The following SPECC1 variants were observed in gnomAD, a reference collection of about 807,000 sequenced individuals.
SPECC1 encodes the protein sperm antigen with calponin homology and coiled-coil domains 1.
SPECC1 carries 62 observed loss-of-function variants against 104.1 expected under a neutral mutation model. That is an observed-to-expected ratio of 0.60 (90% CI 0.49 to 0.74). SPECC1 has a LOEUF of 0.74. Among genes scored for constraint, SPECC1 ranks in the 30% least tolerant of loss-of-function variants. The pLI, the probability that SPECC1 is intolerant of heterozygous loss-of-function variation, is 0.00. For missense variants in SPECC1, 1,306 were observed against 1,310.5 expected (o/e 1.00, Z 0.05); for synonymous variants, 513 against 501.6 (o/e 1.02, Z -0.30).
At chr17:20,065,032 C>CT (rs2046312713) in intron 1 of SPECC1, among the ~76,000 whole-genome samples, 1 of 152,200 alleles carries the variant, frequency 6.6e-6, no homozygotes, top group Admixed American at 6.5e-5. Flanking sequence ...TATTTCTAAA[C>CT]TACATGCTTG....
intron 3 of SPECC1, among the ~76,000 whole-genome samples, chr17:20,127,631 CG>C (rs2049386959): frequency 6.6e-6 from 1 of 151,936 alleles, no homozygotes. Context: ...TACGCTCTGT[CG>C]AAGGAAGAGG....
intron 1 of SPECC1, among the ~76,000 whole-genome samples, chr17:20,016,320 C>T (rs1412711156): frequency 1.3e-5 from 2 of 152,148 alleles, no homozygotes; most frequent in East Asian, 1.9e-4. Context: ...TGGCAGTCCT[C>T]GCTCGCTCTC....
chr17:20,161,260 A>G lies in SPECC1; in HGVS notation c.284-43073A>G, dbSNP rs145547863. The stretch of plus-strand genomic sequence containing the variant: ...AGGTAATCTATTGTTTTCCACTTCT[A>G]TTTCTTGACTCACCAGCTTTAAATA... On this transcript the variant is annotated intron_variant, in intron 3 of 14. Transcript: ENST00000395527. Among the ~76,000 whole-genome samples, 7 of 152,270 alleles carry G rather than the reference A, an allele frequency of 4.6e-5. 1 individual carries two copies. The highest frequency in any genetic ancestry group is 1.9e-4 in the East Asian group (1 of 5,190).
intron 3 of SPECC1, among the ~76,000 whole-genome samples, chr17:20,141,075 C>G (rs2030733620): frequency 1.3e-5 from 2 of 152,200 alleles, no homozygotes; most frequent in African/African-American, 4.8e-5. Flanking sequence ...CTGCCCCCTT[C>G]TCTCCTCCTG....
intron 3 of SPECC1, among the ~76,000 whole-genome samples, chr17:20,146,661 C>A (rs957712550): frequency 6.6e-6 from 1 of 152,106 alleles, no homozygotes; most frequent in Admixed American, 6.5e-5. Context: ...AATCCTGGAA[C>A]TTTGGGAGGC....
At chr17:20,155,956 C>T (rs1216617684) in intron 3 of SPECC1, 2 of 1,252,546 alleles carry the variant, frequency 1.6e-6, no homozygotes, top group South Asian at 2.8e-5. Context: ...CGGCAGGATG[C>T]AGATGAAGGG....
At chr17:20,209,641 G>A (rs559762333) in intron 4 of SPECC1, among the ~76,000 whole-genome samples, 36 of 151,798 alleles carry the variant, frequency 2.4e-4, no homozygotes, top group African/African-American at 4.6e-4. Flanking sequence ...CTTGATGGCC[G>A]CTTAATCTGT....
At chr17:20,040,723 G>C (rs2045290177) in intron 1 of SPECC1, among the ~76,000 whole-genome samples, 1 of 152,066 alleles carries the variant, frequency 6.6e-6, no homozygotes, top group African/African-American at 2.4e-5. Context: ...ATGAAGTGTT[G>C]TTTCACTCAC....
intron 1 of SPECC1, among the ~76,000 whole-genome samples, chr17:20,042,910 T>G (rs988207140): frequency 6.6e-6 from 1 of 152,174 alleles, no homozygotes; most frequent in Non-Finnish European, 1.5e-5. Flanking sequence ...TATATTTGTT[T>G]TATATCTAGT....
chr17:20,237,515 G>A (rs755098786), intron 7 of SPECC1: 6 of 194,116 alleles, frequency 3.1e-5, no homozygotes, highest in Non-Finnish European at 5.3e-5. Context: ...GGGTTTCACC[G>A]TGTTGGCCAG....
intron 1 of SPECC1, among the ~76,000 whole-genome samples, chr17:20,072,941 C>T (rs1214846405): frequency 6.6e-6 from 1 of 152,148 alleles, no homozygotes; most frequent in African/African-American, 2.4e-5. Context: ...GTCCCTGTTG[C>T]AGTAGATCCC....
At chr17:20,197,824 C>T (rs779539823) in intron 3 of SPECC1, among the ~76,000 whole-genome samples, 2 of 152,160 alleles carry the variant, frequency 1.3e-5, no homozygotes, top group Non-Finnish European at 2.9e-5. Context: ...TAAAGCACCC[C>T]TTGACACGGA....
chr17:20,127,392 A>G (rs1462436000), intron 3 of SPECC1, among the ~76,000 whole-genome samples: 1 of 152,008 alleles, frequency 6.6e-6, no homozygotes, highest in East Asian at 1.9e-4. Flanking sequence ...CAAAAATCAG[A>G]AATTGAGAGG....
chr17:20,152,916 C>G (rs1446816740), intron 3 of SPECC1, among the ~76,000 whole-genome samples: 1 of 152,212 alleles, frequency 6.6e-6, no homozygotes, highest in Non-Finnish European at 1.5e-5. Flanking sequence ...CTGCCTGCCT[C>G]AGCCTCCCAA....
At chr17:20,025,668 A>T (rs1735348788) in intron 1 of SPECC1, among the ~76,000 whole-genome samples, 1 of 152,174 alleles carries the variant, frequency 6.6e-6, no homozygotes, top group South Asian at 2.1e-4. Flanking sequence ...GTTGCTATAA[A>T]TGCCCATGTA....
intron 12 of SPECC1, among the ~76,000 whole-genome samples, chr17:20,276,459 G>GT (rs1011092133): frequency 2.8e-4 from 42 of 152,274 alleles, no homozygotes; most frequent in African/African-American, 9.6e-4. Flanking sequence ...TTGTTTCAGG[G>GT]TTATGTCTTA....
At chr17:20,156,620 C>T (rs1028396746) in intron 3 of SPECC1, among the ~76,000 whole-genome samples, 7 of 152,076 alleles carry the variant, frequency 4.6e-5, no homozygotes, top group African/African-American at 1.7e-4. Flanking sequence ...TGTCGGCCGC[C>T]GGCCCCGCAG....
At chr17:20,239,718 A>G (rs991856865) in intron 7 of SPECC1, among the ~76,000 whole-genome samples, 8 of 152,060 alleles carry the variant, frequency 5.3e-5, no homozygotes, top group African/African-American at 1.9e-4. Flanking sequence ...TTATTTTAAT[A>G]GATGTCTCCA....
chr17:20,027,734 T>A, intron 1 of SPECC1, among the ~76,000 whole-genome samples: 1 of 152,232 alleles, frequency 6.6e-6, no homozygotes, highest in East Asian at 1.9e-4. Context: ...TTTTGGGTTC[T>A]TTATTCTGTT....
Sources: allele counts gnomAD v4.1 joint callset (sites outside exome capture counted in the v4.1 genomes callset), GRCh38; gene constraint gnomAD v4.1.1; transcripts MANE v1.5; gene names NCBI Gene and HGNC (gene_info 2026-07-23, HGNC 2026-07-21).